Variants in INSL6 observed in about 807,000 individuals in gnomAD.
INSL6 encodes the protein insulin like 6.
In INSL6, 16 loss-of-function variants were observed where a neutral mutation model predicts 9.4. The ratio of observed to expected loss-of-function variants is 1.70; its 90% CI spans 1.15 to 2.59. The LOEUF is 2.59. INSL6 is among the 30% of genes most tolerant of loss of function. The pLI is 0.00. For synonymous variants in INSL6, 154 were observed against 96.9 expected, an observed-to-expected ratio of 1.59 and a Z score of -3.46; for missense variants, 391 against 257.3, an observed-to-expected ratio of 1.52 and a Z score of -3.56.
chr9:5,053,496 T>G, the INSL6 span, among the ~76,000 whole-genome samples: 1 of 152,094 alleles, frequency 6.6e-6, no homozygotes, highest in Non-Finnish European at 1.5e-5. Flanking sequence ...GTAGTCTAAT[T>G]TGCCCCATTT....
At chr9:5,122,991 C>G (rs781350171), downstream of INSL6, 2 of 1,531,590 alleles carry the variant, frequency 1.3e-6, no homozygotes, top group Non-Finnish European at 1.8e-6. Flanking sequence ...AAATGTTATT[C>G]ATATATTTAC....
chr9:5,114,504 G>A, the INSL6 span: 276 of 470,614 alleles, frequency 5.9e-4, 2 homozygotes, highest in South Asian at 4.3e-3. Flanking sequence ...ACAGGTCTAC[G>A]TGTTTGCAAC....
the INSL6 span, chr9:5,030,034 T>C: frequency 8.4e-6 from 6 of 711,002 alleles, no homozygotes; most frequent in Non-Finnish European, 1.1e-5. Context: ...TCATTTAAGA[T>C]TTCATTTAAG....
downstream of INSL6, among the ~76,000 whole-genome samples, chr9:5,161,699 A>C (rs1035837025): frequency 2.0e-5 from 3 of 152,226 alleles, no homozygotes; most frequent in African/African-American, 7.2e-5. Context: ...TAAGGACTCC[A>C]CCAAAAAATG....
At chr9:5,071,582 C>T in the INSL6 span, among the ~76,000 whole-genome samples, 1 of 152,060 alleles carries the variant, frequency 6.6e-6, no homozygotes, top group Non-Finnish European at 1.5e-5. Context: ...ATGTAGTGAA[C>T]CTCAAGACAG....
chr9:5,130,870 A>G (rs1378797488), intron 3 of INSL6, among the ~76,000 whole-genome samples: 1 of 150,208 alleles, frequency 6.7e-6, no homozygotes, highest in Non-Finnish European at 1.5e-5. Flanking sequence ...CTGGGACTAC[A>G]GGCGCCTGCC....
At chr9:5,021,651 G>T in the INSL6 span, among the ~76,000 whole-genome samples, 6 of 152,156 alleles carry the variant, frequency 3.9e-5, no homozygotes, top group Non-Finnish European at 8.8e-5. Flanking sequence ...TTTTGAGACA[G>T]GGTCTTGCTG....
chr9:5,140,056 AAAG>A (rs1256343638), intron 2 of INSL6, among the ~76,000 whole-genome samples: 2 of 152,218 alleles, frequency 1.3e-5, no homozygotes, highest in Non-Finnish European at 2.9e-5. Flanking sequence ...ACATTTCTAA[AAAG>A]AAGTTTATTC....
intron 3 of INSL6, among the ~76,000 whole-genome samples, chr9:5,128,810 C>T (rs780177253): frequency 5.3e-5 from 8 of 151,832 alleles, no homozygotes; most frequent in Non-Finnish European, 8.8e-5. Context: ...TGGTTCTGTA[C>T]AAGAAACAGG....
downstream of INSL6, among the ~76,000 whole-genome samples, chr9:5,119,133 A>C (rs1288155899): frequency 6.6e-6 from 1 of 152,182 alleles, no homozygotes; most frequent in Admixed American, 6.5e-5. Flanking sequence ...GGTTGAGTAG[A>C]TTTTGTGAAG....
chr9:5,185,177 GT>G, intron 1 of INSL6, 136 bp downstream of exon 1: 4 of 1,107,230 alleles, frequency 3.6e-6, no homozygotes, highest in Admixed American at 2.1e-5. Flanking sequence ...TCAATACACT[GT>G]TTTTTACAAT....
the INSL6 span, chr9:5,114,249 A>T: frequency 1.9e-6 from 1 of 535,196 alleles, no homozygotes; most frequent in Non-Finnish European, 3.7e-6. Flanking sequence ...GCCCACAATC[A>T]CCTGTCTGGT....
downstream of INSL6, among the ~76,000 whole-genome samples, chr9:5,162,438 A>G (rs958420467): frequency 1.3e-5 from 2 of 152,232 alleles, no homozygotes; most frequent in Non-Finnish European, 2.9e-5. Context: ...ATAATTTTCT[A>G]ATTGGGACTT....
chr9:5,021,480 G>A, the INSL6 span, among the ~76,000 whole-genome samples: 1 of 152,176 alleles, frequency 6.6e-6, no homozygotes. Flanking sequence ...AGTTTAAAAT[G>A]TATGATTTCT....
At chr9:5,178,214 G>A (rs758443628) in intron 1 of INSL6, among the ~76,000 whole-genome samples, 2 of 152,142 alleles carry the variant, frequency 1.3e-5, no homozygotes, top group African/African-American at 4.8e-5. Context: ...CCTCCTCCCT[G>A]GGTGAGACCT....
At chr9:5,037,242 T>C in the INSL6 span, among the ~76,000 whole-genome samples, 12 of 152,050 alleles carry the variant, frequency 7.9e-5, no homozygotes, top group Admixed American at 6.5e-4. Flanking sequence ...AATAGGAACA[T>C]TTTTACACTG....
At chr9:5,112,748 C>T in the INSL6 span, 3 of 686,842 alleles carry the variant, frequency 4.4e-6, no homozygotes, top group East Asian at 3.2e-5. Flanking sequence ...TTTGAAACGG[C>T]GAGAAGAGAA....
chr9:5,062,500 TAAAAAAAAAAAAAAA>T, the INSL6 span, among the ~76,000 whole-genome samples: 34 of 58,248 alleles, frequency 5.8e-4, 2 homozygotes, highest in African/African-American at 3.3e-3. Flanking sequence ...CTTCCATTTG[TAAAAAAAAAAAAAAA>T]AAAAAAAAAA....
the INSL6 span, among the ~76,000 whole-genome samples, chr9:5,010,833 T>C: frequency 6.6e-6 from 1 of 152,288 alleles, no homozygotes; most frequent in African/African-American, 2.4e-5. Flanking sequence ...AACATATTTG[T>C]TTTGCCTTGA....
Sources: allele counts gnomAD v4.1 joint callset (sites outside exome capture counted in the v4.1 genomes callset), GRCh38; gene constraint gnomAD v4.1.1; transcripts MANE v1.5; gene names NCBI Gene and HGNC (gene_info 2026-07-23, HGNC 2026-07-21).